TAFA2: variants seen among roughly 807,000 people sequenced by gnomAD.
TAFA2 encodes TAFA chemokine like family member 2.
In TAFA2, 7 loss-of-function variants were observed where a neutral mutation model predicts 18.8. The ratio of observed to expected loss-of-function variants is 0.37; its 90% CI spans 0.21 to 0.70. The LOEUF is 0.70. TAFA2 is among the 30% of genes least tolerant of loss of function. The probability of loss-of-function intolerance (pLI) is 0.53; values close to 1 mark genes in which losing one functional copy is unlikely to be tolerated. For missense variants in TAFA2, 122 were observed against 158.1 expected (o/e 0.77, Z 1.23); for synonymous variants, 60 against 54.2 (o/e 1.11, Z -0.47).
intron 1 of TAFA2, among the ~76,000 whole-genome samples, chr12:62,216,485 T>C (rs1565781378): frequency 2.0e-5 from 3 of 152,168 alleles, no homozygotes. Context: ...TCCTATTCCC[T>C]TTCAACTGAC....
intron 1 of TAFA2, among the ~76,000 whole-genome samples, chr12:62,085,300 G>C (rs1422882119): frequency 2.0e-5 from 3 of 152,078 alleles, no homozygotes; most frequent in Non-Finnish European, 4.4e-5. Flanking sequence ...TGAAAGAACT[G>C]TTTTCAATGT....
intron 1 of TAFA2, among the ~76,000 whole-genome samples, chr12:62,099,757 G>A (rs1352537797): frequency 6.6e-6 from 1 of 152,062 alleles, no homozygotes; most frequent in Non-Finnish European, 1.5e-5. Context: ...CAGCCCCGTG[G>A]CACCCCTGCA....
At chr12:62,188,602 A>T (rs2062601374) in intron 1 of TAFA2, among the ~76,000 whole-genome samples, 1 of 152,184 alleles carries the variant, frequency 6.6e-6, no homozygotes, top group Non-Finnish European at 1.5e-5. Flanking sequence ...CCCTTCCTGT[A>T]TAAGGTAATC....
chr12:62,037,025 T>C (rs981655810), intron 1 of TAFA2, among the ~76,000 whole-genome samples: 1 of 152,256 alleles, frequency 6.6e-6, no homozygotes, highest in African/African-American at 2.4e-5. Flanking sequence ...GTATTTATTA[T>C]GTAATTTAAT....
chr12:61,972,271 G>T (rs1268032498), intron 1 of TAFA2, among the ~76,000 whole-genome samples: 2 of 145,088 alleles, frequency 1.4e-5, no homozygotes, highest in South Asian at 2.2e-4. Flanking sequence ...AGACAAAACT[G>T]CCAAATACTT....
At position 61,709,569 on chromosome 12, in the gene TAFA2, C is replaced by A. The variant is rs1424038688; in HGVS notation, c.*837G>T. ...TAACTTGACTGCTCACTGCTGATTT[C>A]TGTGAAGGGAATAAGTAAACATAAA... On this transcript the variant is annotated 3_prime_UTR_variant, in exon 5 of 5. Transcript: ENST00000416284. 1 of 151,674 alleles carries A rather than the reference C, an allele frequency of 6.6e-6. No homozygotes were observed. The highest frequency in any genetic ancestry group is 2.4e-5 in the African/African-American group (1 of 41,330). The allele number at this position is 151,674 out of a possible 1,614,324, so 9.4% of individuals were successfully genotyped here.
At chr12:61,793,455 GA>G (rs1381235184) in intron 2 of TAFA2, among the ~76,000 whole-genome samples, 1 of 151,168 alleles carries the variant, frequency 6.6e-6, no homozygotes, top group African/African-American at 2.4e-5. Flanking sequence ...TAATAAAAGG[GA>G]AAAAATTAAA....
intron 1 of TAFA2, among the ~76,000 whole-genome samples, chr12:61,934,911 T>A (rs1877703009): frequency 6.6e-6 from 1 of 152,226 alleles, no homozygotes; most frequent in South Asian, 2.1e-4. Context: ...TTAGTACTTT[T>A]TGAGAAATAT....
chr12:62,100,649 G>A (rs902569371), intron 1 of TAFA2, among the ~76,000 whole-genome samples: 2 of 152,084 alleles, frequency 1.3e-5, no homozygotes, highest in Non-Finnish European at 2.9e-5. Flanking sequence ...CTATAACAAT[G>A]AAGATCATCA....
chr12:61,928,408 T>G (rs988734952), intron 1 of TAFA2, among the ~76,000 whole-genome samples: 3 of 151,070 alleles, frequency 2.0e-5, no homozygotes, highest in Admixed American at 6.6e-5. Context: ...AAAAAATGTA[T>G]GATAAAGAGC....
chr12:62,101,201 G>T (rs1332464322), intron 1 of TAFA2, among the ~76,000 whole-genome samples: 1 of 152,072 alleles, frequency 6.6e-6, no homozygotes. Context: ...CAGCTCCATA[G>T]ATTAGATTAT....
chr12:62,178,170 C>T (rs1346060921), intron 1 of TAFA2, among the ~76,000 whole-genome samples: 1 of 152,042 alleles, frequency 6.6e-6, no homozygotes, highest in Non-Finnish European at 1.5e-5. Context: ...CATGGTGGTG[C>T]AAGTCTGTAG....
chr12:61,977,174 C>G lies in TAFA2; in HGVS notation c.-1-109748G>C, dbSNP rs1312626535. Among the ~76,000 whole-genome samples, 10 of 152,130 alleles carry G rather than the reference C, an allele frequency of 6.6e-5. 1 individual carries two copies. In the South Asian group the frequency reaches 2.1e-3, roughly 32 times the overall value. ...GAATTTGCATTATAAACTACATATA[C>G]TTTACTCCCAAATGAAAGACTCAAG... On this transcript the variant is annotated intron_variant, in intron 1 of 4. Coordinates refer to ENST00000416284, the MANE Select transcript of TAFA2 (RefSeq NM_178539.5).
intron 2 of TAFA2, among the ~76,000 whole-genome samples, chr12:61,823,521 G>A (rs1938740086): frequency 6.6e-6 from 1 of 152,166 alleles, no homozygotes; most frequent in African/African-American, 2.4e-5. Context: ...TCCTGGGCAA[G>A]TTACTCCGTC....
At chr12:62,007,499 A>C (rs1239339949) in intron 1 of TAFA2, among the ~76,000 whole-genome samples, 2 of 152,200 alleles carry the variant, frequency 1.3e-5, no homozygotes, top group Non-Finnish European at 2.9e-5. Flanking sequence ...GTAGGTCATA[A>C]ATATTTGATG....
chr12:62,069,255 T>G (rs1323562883), intron 1 of TAFA2, among the ~76,000 whole-genome samples: 2 of 152,124 alleles, frequency 1.3e-5, no homozygotes, highest in Non-Finnish European at 2.9e-5. Flanking sequence ...CCTAATGGCA[T>G]AGGGGCAGGA....
intron 1 of TAFA2, among the ~76,000 whole-genome samples, chr12:62,208,083 T>A (rs920032188): frequency 9.9e-5 from 15 of 151,910 alleles, no homozygotes; most frequent in African/African-American, 3.6e-4. Context: ...CAAGAAAGAG[T>A]CCATGGGAAA....
intron 1 of TAFA2, among the ~76,000 whole-genome samples, chr12:62,018,295 T>C (rs541589062): frequency 9.6e-4 from 146 of 152,322 alleles, no homozygotes; most frequent in African/African-American, 3.3e-3. Flanking sequence ...TTACATTTCA[T>C]TGTGAAATCC....
chr12:61,967,010 A>G (rs1879089800), intron 1 of TAFA2, among the ~76,000 whole-genome samples: 2 of 151,890 alleles, frequency 1.3e-5, no homozygotes, highest in African/African-American at 4.8e-5. Flanking sequence ...AATAATATCC[A>G]TGTTGACCTG....
Sources: gnomAD v4.1 joint callset for allele counts (sites outside exome capture counted in the v4.1 genomes callset) on GRCh38, gnomAD v4.1.1 for gene constraint, MANE v1.5 for transcripts, NCBI Gene and HGNC (gene_info 2026-07-23, HGNC 2026-07-21) for gene names.